CPD: variants seen among roughly 807,000 people sequenced by gnomAD.
The protein encoded by CPD is carboxypeptidase D.
In CPD, 69 loss-of-function variants were observed where a neutral mutation model predicts 138.3. The observed-to-expected ratio is 0.50, with a 90% CI of 0.41 to 0.61. The LOEUF is 0.61. Ranked by LOEUF, CPD falls within the 20% of genes least tolerant of loss-of-function variation. The pLI is 0.00. For synonymous variants in CPD, 651 were observed against 642.1 expected (o/e 1.01, Z -0.21); for missense variants, 1,432 against 1,733.3 (o/e 0.83, Z 3.09).
At chr17:30,438,021 T>C (rs1423641479) in intron 8 of CPD, among the ~76,000 whole-genome samples, 1 of 146,788 alleles carries the variant, frequency 6.8e-6, no homozygotes, top group East Asian at 2.0e-4. Context: ...TTTTTTTTTT[T>C]TTTGTAGAGA....
intron 20 of CPD, among the ~76,000 whole-genome samples, chr17:30,463,576 G>GA (rs906095703): frequency 5.3e-5 from 8 of 152,144 alleles, no homozygotes; most frequent in East Asian, 1.9e-4. Flanking sequence ...GGTTAGGAAG[G>GA]AAAAAAATGT....
intron 5 of CPD, 85 bp from the exon 6 acceptor site, chr17:30,423,421 G>A: frequency 9.6e-7 from 1 of 1,041,032 alleles, no homozygotes; most frequent in Non-Finnish European, 1.3e-6. Flanking sequence ...TTTTAGTATA[G>A]GATTTATATA....
At chr17:30,427,590 C>T in intron 7 of CPD, 32 bp downstream of exon 7, 2 of 1,585,724 alleles carry the variant, frequency 1.3e-6, no homozygotes, top group Non-Finnish European at 1.7e-6. Flanking sequence ...CTAATCAGTT[C>T]TTGTTGAGAG....
Position 30,384,941 on chromosome 17 carries a change from G to A in CPD, c.747-48G>A, listed in dbSNP as rs376130029. On this transcript the variant is annotated intron_variant, in intron 1 of 20. Coordinates refer to ENST00000225719, the MANE Select transcript of CPD (RefSeq NM_001304.5). Reference sequence around the variant, plus strand: ...TTGTGGAATTTTTTTAATGCATGGTGTTTTGTGTCCTTTTTTAGTGATACG... The same window carrying A: ...TTGTGGAATTTTTTTAATGCATGGTATTTTGTGTCCTTTTTTAGTGATACG... 2.4e-4 allele frequency: 386 copies of A among 1,581,772 alleles called. 1 individual carries two copies. The highest frequency in any genetic ancestry group is 7.7e-4 in the Admixed American group (42 of 54,590).
intron 2 of CPD, among the ~76,000 whole-genome samples, chr17:30,397,505 G>A: frequency 6.6e-6 from 1 of 152,078 alleles, no homozygotes; most frequent in Non-Finnish European, 1.5e-5. Flanking sequence ...GGCCGATGCA[G>A]AAGGATTAGT....
chr17:30,464,920 C>A lies in CPD; in HGVS notation c.*106C>A. On this transcript the variant is annotated 3_prime_UTR_variant, in exon 21 of 21. Transcript: ENST00000225719. ...GAGACTCTCTTGCTTCTTCAAAGAGCTTTGGGAAATTAAATTGCTAAATTT... is the reference window on the plus strand; with the variant it reads ...GAGACTCTCTTGCTTCTTCAAAGAGATTTGGGAAATTAAATTGCTAAATTT... 1 of 885,580 alleles carries A rather than the reference C, an allele frequency of 1.1e-6. No homozygotes were observed. The highest frequency in any genetic ancestry group is 1.6e-5 in the South Asian group (1 of 62,624). 54.9% of individuals were successfully genotyped at this position (885,580 alleles called of 1,614,324 possible).
intron 9 of CPD, among the ~76,000 whole-genome samples, chr17:30,440,583 TGTATAAG>T (rs1313137716): frequency 6.7e-6 from 1 of 149,448 alleles, no homozygotes; most frequent in Non-Finnish European, 1.5e-5. Context: ...AATTGATTTT[TGTATAAG>T]GTATAAGGAA....
At chr17:30,403,368 T>C (rs1015469343) in intron 2 of CPD, among the ~76,000 whole-genome samples, 8 of 152,206 alleles carry the variant, frequency 5.3e-5, no homozygotes, top group Non-Finnish European at 1.2e-4. Flanking sequence ...GTCAGACCTG[T>C]ACATGTGCAG....
Position 30,443,829 on chromosome 17 carries a change from C to G in CPD, c.2401C>G (p.Leu801Val), listed in dbSNP as rs1271205740. Reference protein sequence around the residue: ...QVHQGVRGFVLDATDGRGILN... With the variant: ...QVHQGVRGFVVDATDGRGILN... ...TCATCAGGGCGTCAGAGGATTTGTT[C>G]TAGATGCCACAGATGGCAGGGGTAT... Residue 801 changes from leucine (L) to valine (V), a missense_variant, in exon 11 of 21, where the codon CTA becomes GTA. By Grantham distance (32) the Leu-to-Val change is conservative (BLOSUM62 1). Transcript: ENST00000225719. 4 of 1,613,256 alleles carry G rather than the reference C, an allele frequency of 2.5e-6. No individual in the cohort carries two copies. The East Asian group carries it at 8.9e-5, about 36-fold the overall frequency.
chr17:30,421,543 T>A, intron 3 of CPD, 121 bp from the exon 4 acceptor site: 4 of 787,484 alleles, frequency 5.1e-6, no homozygotes, highest in Non-Finnish European at 8.3e-6. Context: ...ATTGAAAATG[T>A]TTTGGGGGAG....
In CPD at chr17:30,379,009, C is replaced by T; in HGVS notation, c.29C>T (p.Pro10Leu). 1.3e-6 allele frequency: 2 copies of T among 1,550,480 alleles called. No homozygotes were observed. The highest frequency in any genetic ancestry group is 1.7e-6 in the Non-Finnish European group (2 of 1,157,880). MASGRDERP[P>L]WRLGRLLLLM... ...GCGAGCGGCCGGGACGAGCGGCCGC[C>T]TTGGCGGCTAGGGCGGCTCCTGTTG... The change falls in exon 1 of 21, where the codon CCT becomes CTT. Residue 10 changes from proline (P) to leucine (L), a missense_variant. This residue lies in a region of CPD where 484 missense variants were observed against 477.2 expected (regional missense o/e 1.01). Transcript: ENST00000225719. This position sits in a 1 kb window ranked among gnomAD's most constrained non-coding sequence, Gnocchi z 7.0.
chr17:30,426,875 G>A (rs1194108821), intron 6 of CPD, among the ~76,000 whole-genome samples: 1 of 152,100 alleles, frequency 6.6e-6, no homozygotes, highest in Non-Finnish European at 1.5e-5. Flanking sequence ...GGACAGCTTG[G>A]AGGTTAGAAG....
intron 13 of CPD, 119 bp downstream of exon 13, chr17:30,449,867 T>C: frequency 1.3e-6 from 1 of 776,254 alleles, no homozygotes; most frequent in African/African-American, 1.8e-5. Context: ...TTGTAGTACA[T>C]TATGAACTTT....
intron 10 of CPD, among the ~76,000 whole-genome samples, chr17:30,443,295 C>A (rs1421657259): frequency 6.6e-6 from 1 of 152,066 alleles, no homozygotes; most frequent in Admixed American, 6.6e-5. Context: ...TGCTACTGTC[C>A]TACCCAAGAA....
chr17:30,385,364 A>T, intron 2 of CPD, 128 bp downstream of exon 2: 5 of 1,188,064 alleles, frequency 4.2e-6, no homozygotes, highest in Non-Finnish European at 5.7e-6. Flanking sequence ...TTATTTTGAA[A>T]ATTTCAAATC....
At chr17:30,461,801 G>A (rs1913483027) in intron 18 of CPD, 76 bp from the exon 19 acceptor site, 1 of 1,249,848 alleles carries the variant, frequency 8.0e-7, no homozygotes, top group Non-Finnish European at 1.1e-6. Flanking sequence ...GTTGGTTTTG[G>A]TCATGCCTCA....
chr17:30,410,512 A>C (rs1009596428), intron 2 of CPD, among the ~76,000 whole-genome samples: 2 of 152,136 alleles, frequency 1.3e-5, no homozygotes, highest in African/African-American at 4.8e-5. Flanking sequence ...GTAGGTCTCT[A>C]AGGACTTGCT....
chr17:30,411,266 C>T (rs1285649240), intron 2 of CPD, among the ~76,000 whole-genome samples: 1 of 152,120 alleles, frequency 6.6e-6, no homozygotes, highest in East Asian at 1.9e-4. Flanking sequence ...GGTAACCTGA[C>T]CTTTCTCTCT....
chr17:30,391,294 A>G (rs1911351913), intron 2 of CPD, among the ~76,000 whole-genome samples: 1 of 152,152 alleles, frequency 6.6e-6, no homozygotes, highest in Non-Finnish European at 1.5e-5. Flanking sequence ...TTTTAGGTCA[A>G]CTTTTAAGCC....
Sources: allele counts gnomAD v4.1 joint callset (sites outside exome capture counted in the v4.1 genomes callset), GRCh38; gene constraint gnomAD v4.1.1; regional missense constraint gnomAD v4.1.1; non-coding constraint Gnocchi (gnomAD v3.1); transcripts MANE v1.5; gene names NCBI Gene and HGNC (gene_info 2026-07-23, HGNC 2026-07-21).